Variants in NEK11 observed in about 807,000 individuals in gnomAD.
NEK11 encodes serine/threonine-protein kinase Nek11.
Under a neutral mutation model 80.7 loss-of-function variants are expected in NEK11, and 72 were observed. That is an observed-to-expected ratio of 0.89 (90% CI 0.74 to 1.08). The LOEUF (loss-of-function observed/expected upper bound fraction) is 1.08, where lower values mean the gene tolerates loss of function less well. Ranked by LOEUF, NEK11 falls within the 50% of genes least tolerant of loss-of-function variation. NEK11 has a pLI of 0.00. For missense variants in NEK11, 764 were observed against 763.6 expected (o/e 1.00, Z -0.01); for synonymous variants, 251 against 260.7 (o/e 0.96, Z 0.36).
chr3:131,117,616 G>A (rs2081504783), intron 5 of NEK11, among the ~76,000 whole-genome samples: 1 of 152,272 alleles, frequency 6.6e-6, no homozygotes, highest in South Asian at 2.1e-4. Context: ...AGCATGGAAT[G>A]TTCTTCCATT....
intron 17 of NEK11, among the ~76,000 whole-genome samples, chr3:131,288,974 G>A (rs1024370638): frequency 3.3e-5 from 5 of 152,188 alleles, no homozygotes; most frequent in African/African-American, 1.2e-4. Context: ...TCCCCTCCCA[G>A]ATTAAAGCTA....
intron 3 of NEK11, among the ~76,000 whole-genome samples, chr3:131,059,902 G>T (rs1457876444): frequency 1.3e-5 from 2 of 152,204 alleles, no homozygotes; most frequent in East Asian, 3.8e-4. Context: ...TTATAAATAG[G>T]TTGTATGCTT....
chr3:131,075,095 AC>A (rs2074119041), intron 3 of NEK11, among the ~76,000 whole-genome samples: 1 of 152,122 alleles, frequency 6.6e-6, no homozygotes. Context: ...CCTGCACTGC[AC>A]CATGATGCCC....
chr3:131,193,957 T>A (rs1253657703), intron 14 of NEK11, among the ~76,000 whole-genome samples: 1 of 152,196 alleles, frequency 6.6e-6, no homozygotes, highest in African/African-American at 2.4e-5. Context: ...TTGTCAACTT[T>A]TCAAAAAAAT....
chr3:131,325,617 A>AAAAG (rs1282691387), intron 17 of NEK11: 3 of 152,346 alleles, frequency 2.0e-5, no homozygotes, highest in African/African-American at 7.2e-5. Context: ...GATAATCATA[A>AAAAG]AAAGAGATTG....
intron 14 of NEK11, among the ~76,000 whole-genome samples, chr3:131,222,991 G>A (rs62280798): frequency 0.02 from 2,984 of 152,276 alleles, 31 homozygotes; most frequent in Non-Finnish European, 0.03. Flanking sequence ...GTCCAAACTC[G>A]TGCAGCCATT....
At chr3:131,193,034 T>C (rs573420238) in intron 14 of NEK11, among the ~76,000 whole-genome samples, 2 of 152,204 alleles carry the variant, frequency 1.3e-5, no homozygotes, top group African/African-American at 2.4e-5. Context: ...TCTATAGATA[T>C]ATACCGTATT....
At chr3:131,301,293 T>C (rs1474376810) in intron 17 of NEK11, among the ~76,000 whole-genome samples, 1 of 152,056 alleles carries the variant, frequency 6.6e-6, no homozygotes, top group East Asian at 1.9e-4. Flanking sequence ...GATTGTGGGG[T>C]TTTCTAGATA....
chr3:131,231,867 C>G (rs1265987831), intron 15 of NEK11, among the ~76,000 whole-genome samples: 2 of 152,004 alleles, frequency 1.3e-5, no homozygotes, highest in Non-Finnish European at 2.9e-5. Context: ...CAAATGCCTT[C>G]TATGTGTGTA....
At chr3:131,309,893 G>T (rs1348334268) in intron 17 of NEK11, among the ~76,000 whole-genome samples, 1 of 149,914 alleles carries the variant, frequency 6.7e-6, no homozygotes, top group Non-Finnish European at 1.5e-5. Flanking sequence ...GGAGGCTGAG[G>T]CAGGAGGATC....
chr3:131,259,947 G>T (rs182008984), intron 16 of NEK11, among the ~76,000 whole-genome samples: 1 of 152,208 alleles, frequency 6.6e-6, no homozygotes, highest in Non-Finnish European at 1.5e-5. Flanking sequence ...CAGATTCTTC[G>T]ACAGTTTTGT....
chr3:131,050,003 A>G (rs904736387), intron 3 of NEK11, among the ~76,000 whole-genome samples: 3 of 151,488 alleles, frequency 2.0e-5, no homozygotes, highest in Non-Finnish European at 4.4e-5. Context: ...TATGGCCCCT[A>G]TTGAAAAGCC....
chr3:131,188,198 G>A (rs2093666558), intron 14 of NEK11, among the ~76,000 whole-genome samples: 1 of 152,150 alleles, frequency 6.6e-6, no homozygotes, highest in South Asian at 2.1e-4. Flanking sequence ...TCTCCAAAGT[G>A]CTTGTGTGGC....
rs1577966481 is a variant in NEK11 at position 131,080,280 on chromosome 3, G to A, written c.171-143G>A. On this transcript the variant is annotated intron_variant, in intron 3 of 17. Transcript: ENST00000383366. The stretch of plus-strand genomic sequence containing the variant: ...GGAAAACAGGCCCAGGTCCCACCAG[G>A]AGACACAGTGTCATAATAGGCAATA... The A allele has an allele frequency of 9.7e-6, 6 of 619,438 alleles. No individual in the cohort carries two copies. In the East Asian group the frequency reaches 1.7e-4, roughly 18 times the overall value. The allele number at this position is 619,438 out of a possible 1,614,324, so 38.4% of individuals were successfully genotyped here.
At chr3:131,285,008 C>T (rs1435008601) in intron 17 of NEK11, among the ~76,000 whole-genome samples, 1 of 152,188 alleles carries the variant, frequency 6.6e-6, no homozygotes, top group Non-Finnish European at 1.5e-5. Flanking sequence ...AGTTCTGTCC[C>T]TCTAGAGAAC....
chr3:131,279,917 G>C (rs183161665), intron 17 of NEK11, among the ~76,000 whole-genome samples: 16 of 152,294 alleles, frequency 1.1e-4, no homozygotes, highest in Admixed American at 3.9e-4. Context: ...AGAGAAACTT[G>C]CTACCCAGAA....
intron 3 of NEK11, chr3:131,053,433 T>C (rs1417121427): frequency 6.6e-6 from 1 of 152,274 alleles, no homozygotes; most frequent in Non-Finnish European, 1.5e-5. Context: ...GAAATCTTTT[T>C]ATCTTCACAG....
At chr3:131,226,866 A>G (rs900056942) in intron 14 of NEK11, among the ~76,000 whole-genome samples, 1 of 152,164 alleles carries the variant, frequency 6.6e-6, no homozygotes, top group Non-Finnish European at 1.5e-5. Flanking sequence ...GGTATGTTAT[A>G]TATATATGTG....
rs1473640436 is a variant in NEK11, at chr3:131,281,537, G to A, written c.1718+7963G>A. The stretch of plus-strand genomic sequence containing the variant: ...GACATACGAGTATTTGCAGTCTTTC[G>A]CTAGTACGAATAGTGCTGTAATTAA... On this transcript the variant is annotated intron_variant, in intron 17 of 17. Transcript: ENST00000383366. 4.6e-5 allele frequency among the ~76,000 whole-genome samples: 7 copies of A among 152,078 alleles called. No individual in the cohort carries two copies. In the South Asian group the frequency reaches 6.2e-4, roughly 14 times the overall value.
Sources: allele counts gnomAD v4.1 joint callset (sites outside exome capture counted in the v4.1 genomes callset), GRCh38; gene constraint gnomAD v4.1.1; transcripts MANE v1.5; gene names NCBI Gene and HGNC (gene_info 2026-07-23, HGNC 2026-07-21).